Variants in SUMF1 observed in about 807,000 individuals in gnomAD.
The protein encoded by SUMF1 is sulfatase modifying factor 1.
SUMF1 carries 48 observed loss-of-function variants against 47.6 expected under a neutral mutation model. The ratio of observed to expected loss-of-function variants is 1.01; its 90% CI spans 0.80 to 1.28. The LOEUF (loss-of-function observed/expected upper bound fraction) is 1.28, where lower values mean the gene tolerates loss of function less well. SUMF1 is among the 50% of genes most tolerant of loss of function. The pLI, the probability that SUMF1 is intolerant of heterozygous loss-of-function variation, is 0.00. For missense variants in SUMF1, 571 were observed against 485.4 expected (o/e 1.18, Z -1.66); for synonymous variants, 230 against 192.1 (o/e 1.20, Z -1.63).
In SUMF1 at chr3:4,317,059, A is replaced by C. The variant is rs765416778; in HGVS notation, c.1014+59271T>G. On this transcript the variant is annotated intron_variant and NMD_transcript_variant, in intron 8 of 12. Coordinates refer to the SUMF1 transcript ENST00000448413. ...TATTCACCTGACCTCTTGCCAACCA[A>C]CTACCACGTCTTTAAGCATCTCAAC... The C allele has an allele frequency of 1.9e-6, 3 of 1,549,186 alleles. No individual in the cohort carries two copies. In the Admixed American group the frequency reaches 5.9e-5, roughly 30 times the overall value.
rs867035924 is a variant in SUMF1 at position 4,303,787 on chromosome 3, T to A, written c.1014+72543A>T. 100 of 1,430,952 alleles carry A rather than the reference T, an allele frequency of 7.0e-5. 1 individual carries two copies. In the African/African-American group the frequency reaches 1.3e-3, roughly 18 times the overall value. The allele number at this position is 1,430,952 out of a possible 1,614,324, so 88.6% of individuals were successfully genotyped here. On this transcript the variant is annotated intron_variant and NMD_transcript_variant, in intron 8 of 12. Transcript: ENST00000448413. ...CGGAGGCCTTGTGAGAACCTGGCTT[T>A]TTGTCCAGTCCTGTCCTCAGAACTC...
intron 8 of SUMF1, among the ~76,000 whole-genome samples, chr3:4,190,293 G>C (rs1473284114): frequency 6.6e-6 from 1 of 151,858 alleles, no homozygotes; most frequent in African/African-American, 2.4e-5. Flanking sequence ...ATGGAAACAC[G>C]AGGGAAGCAC....
chr3:4,417,640 T>C (rs1236226171), intron 5 of SUMF1, among the ~76,000 whole-genome samples: 1 of 152,166 alleles, frequency 6.6e-6, no homozygotes, highest in South Asian at 2.1e-4. Flanking sequence ...CAACATGAGT[T>C]TTCTGTCTCA....
intron 8 of SUMF1, among the ~76,000 whole-genome samples, chr3:4,304,266 C>T (rs942989505): frequency 6.6e-6 from 1 of 152,156 alleles, no homozygotes. Context: ...CTCAGCCTCC[C>T]GAGTAGCTGG....
In SUMF1 at chr3:4,267,572, G is replaced by C. The variant is rs376681627; in HGVS notation, c.1014+108758C>G. 1.4e-4 allele frequency among the ~76,000 whole-genome samples: 21 copies of C among 152,128 alleles called. No individual in the cohort carries two copies. In the East Asian group the frequency reaches 1.9e-3, roughly 14 times the overall value. ...TATTTCTGTGGGATCGGTGGTGGGCGAAGGACATGAACAGACACTTCTCAA... is the reference window on the plus strand; with the variant it reads ...TATTTCTGTGGGATCGGTGGTGGGCCAAGGACATGAACAGACACTTCTCAA... On this transcript the variant is annotated intron_variant and NMD_transcript_variant, in intron 8 of 12. Transcript: ENST00000448413.
At position 4,187,311 on chromosome 3, in the gene SUMF1, G is replaced by C. The variant is rs1574962203; in HGVS notation, c.1015-118566C>G. ...TTGAGCACAGGAGCTTGAGGTTGCA[G>C]TGAGCTAGTATCGTGCCACTGCACC... On this transcript the variant is annotated intron_variant and NMD_transcript_variant, in intron 8 of 12. Transcript: ENST00000448413. 2.6e-5 allele frequency among the ~76,000 whole-genome samples: 4 copies of C among 152,344 alleles called. No individual in the cohort carries two copies. In the South Asian group the frequency reaches 8.3e-4, roughly 32 times the overall value.
intron 7 of SUMF1, among the ~76,000 whole-genome samples, chr3:4,392,932 G>C (rs1700921872): frequency 6.6e-6 from 1 of 151,798 alleles, no homozygotes; most frequent in Non-Finnish European, 1.5e-5. Context: ...TGAACCCACT[G>C]GGCTTTCACC....
intron 8 of SUMF1, among the ~76,000 whole-genome samples, chr3:4,201,967 A>T (rs900689597): frequency 6.6e-6 from 1 of 151,792 alleles, no homozygotes; most frequent in Admixed American, 6.6e-5. Context: ...TTTTTTTCCT[A>T]TTGAGTTGTT....
At chr3:4,281,535 TAAGTAGCAG>T (rs1697529177) in intron 8 of SUMF1, among the ~76,000 whole-genome samples, 1 of 152,074 alleles carries the variant, frequency 6.6e-6, no homozygotes, top group Non-Finnish European at 1.5e-5. Context: ...ACACACTTAA[TAAGTAGCAG>T]AACCAGCGCT....
At chr3:4,133,708 T>G (rs562967796) in intron 8 of SUMF1, among the ~76,000 whole-genome samples, 4 of 152,246 alleles carry the variant, frequency 2.6e-5, no homozygotes, top group African/African-American at 4.8e-5. Context: ...TTCTTCAGTT[T>G]TGGAACTCAG....
chr3:4,193,177 A>G (rs908737077), intron 8 of SUMF1, among the ~76,000 whole-genome samples: 3 of 152,160 alleles, frequency 2.0e-5, no homozygotes, highest in African/African-American at 7.2e-5. Flanking sequence ...GATAGTGAGC[A>G]CTTGAAATAT....
intron 8 of SUMF1, among the ~76,000 whole-genome samples, chr3:4,249,102 G>T (rs972560846): frequency 2.6e-5 from 4 of 152,322 alleles, no homozygotes; most frequent in African/African-American, 9.6e-5. Flanking sequence ...AACTCAGAAG[G>T]TATCTTCTTA....
chr3:4,035,542 C>T (rs1471578439), intron 9 of SUMF1, among the ~76,000 whole-genome samples: 1 of 152,124 alleles, frequency 6.6e-6, no homozygotes, highest in African/African-American at 2.4e-5. Flanking sequence ...CTGAATAAAA[C>T]CTTTTTTCCA....
intron 8 of SUMF1, among the ~76,000 whole-genome samples, chr3:4,088,979 G>A (rs1692728577): frequency 6.6e-6 from 1 of 152,028 alleles, no homozygotes; most frequent in Admixed American, 6.6e-5. Flanking sequence ...TTAAGTCATG[G>A]ACTATCCTCT....
At chr3:4,377,778 T>A (rs73809530) in intron 7 of SUMF1, among the ~76,000 whole-genome samples, 1,690 of 152,272 alleles carry the variant, frequency 0.011, 22 homozygotes, top group African/African-American at 0.039. Context: ...CAGAACCGTA[T>A]CAGGGGAGTC....
intron 9 of SUMF1, among the ~76,000 whole-genome samples, chr3:4,048,372 G>T (rs1252947021): frequency 2.0e-5 from 3 of 152,092 alleles, no homozygotes; most frequent in Admixed American, 6.6e-5. Flanking sequence ...ACTACCCTGA[G>T]AAAAATACAT....
At chr3:4,047,081 C>G (rs1695020703) in intron 9 of SUMF1, among the ~76,000 whole-genome samples, 1 of 152,068 alleles carries the variant, frequency 6.6e-6, no homozygotes, top group Admixed American at 6.6e-5. Context: ...TACTCCTTTT[C>G]ACTCCCGGAA....
chr3:4,069,885 A>G (rs1298310340), intron 8 of SUMF1, among the ~76,000 whole-genome samples: 1 of 152,196 alleles, frequency 6.6e-6, no homozygotes, highest in Admixed American at 6.5e-5. Context: ...TCCTATAGAG[A>G]ATCCCCTTTC....
chr3:4,045,623 C>T (rs1238625241), intron 9 of SUMF1, among the ~76,000 whole-genome samples: 1 of 152,034 alleles, frequency 6.6e-6, no homozygotes, highest in South Asian at 2.1e-4. Flanking sequence ...ATAATCACTG[C>T]TCTTTCCTAA....
Sources: allele counts gnomAD v4.1 joint callset (sites outside exome capture counted in the v4.1 genomes callset), GRCh38; gene constraint gnomAD v4.1.1; transcripts MANE v1.5; gene names NCBI Gene and HGNC (gene_info 2026-07-23, HGNC 2026-07-21).